Variants in TG observed in about 807,000 individuals in gnomAD.
TG encodes thyroglobulin.
Under a neutral mutation model 324.7 loss-of-function variants are expected in TG, and 270 were observed. The observed-to-expected ratio is 0.83, with a 90% CI of 0.75 to 0.92. The LOEUF is 0.92. TG is among the 40% of genes least tolerant of loss of function. The pLI is 0.00. For synonymous variants in TG, 1,401 were observed against 1,327.0 expected (o/e 1.06, Z -1.21); for missense variants, 3,591 against 3,456.4 (o/e 1.04, Z -0.98).
chr8:133,093,918 A>G (rs952947059), intron 41 of TG, among the ~76,000 whole-genome samples: 4 of 152,160 alleles, frequency 2.6e-5, no homozygotes, highest in Admixed American at 6.5e-5. Context: ...GAACCTCTTG[A>G]GTGAGTTTGT....
At chr8:133,126,349 T>A (rs1564217044) in intron 45 of TG, among the ~76,000 whole-genome samples, 1 of 152,238 alleles carries the variant, frequency 6.6e-6, no homozygotes, top group Non-Finnish European at 1.5e-5. Context: ...CTTAAACAGT[T>A]GGGCCTTGGT....
intron 35 of TG, among the ~76,000 whole-genome samples, chr8:132,999,499 G>A (rs1264325093): frequency 1.3e-5 from 2 of 152,166 alleles, no homozygotes; most frequent in Admixed American, 6.5e-5. Context: ...GCTGCCTGTA[G>A]GATTTTTGGT....
At position 133,034,537 on chromosome 8, in the gene TG, C is replaced by T. The variant is rs527744463; in HGVS notation, c.7239+4514C>T. The stretch of plus-strand genomic sequence containing the variant: ...CTTTGGATTTTCTATGAAGTTTCCT[C>T]GTTATTCTGCAAATAATGGCGGGTT... On this transcript the variant is annotated intron_variant, in intron 41 of 47. Transcript: ENST00000220616. 4.6e-5 allele frequency among the ~76,000 whole-genome samples: 7 copies of T among 152,268 alleles called. 1 individual carries two copies. In the South Asian group the frequency reaches 6.2e-4, roughly 14 times the overall value.
At chr8:133,073,225 T>C (rs1844345838) in intron 41 of TG, 1 of 152,268 alleles carries the variant, frequency 6.6e-6, no homozygotes, top group African/African-American at 2.4e-5. Context: ...TATGTTGCCA[T>C]CTTGCTGCTC....
chr8:133,060,401 A>G (rs1163386072), intron 41 of TG: 2 of 1,512,330 alleles, frequency 1.3e-6, no homozygotes, highest in Non-Finnish European at 1.8e-6. Flanking sequence ...GAATGACAGA[A>G]AAACCACAGA....
intron 15 of TG, 39 bp downstream of exon 15, chr8:132,900,378 T>C: frequency 6.4e-7 from 1 of 1,568,078 alleles, no homozygotes; most frequent in Non-Finnish European, 8.7e-7. Context: ...TCTCACCTCT[T>C]CTGTGGGGCA....
intron 25 of TG, 22 bp downstream of exon 25, chr8:132,935,886 G>A: frequency 6.3e-7 from 1 of 1,597,446 alleles, no homozygotes; most frequent in Non-Finnish European, 8.6e-7. Flanking sequence ...AGGCTGGTTG[G>A]CTTAGGCCCG....
Position 132,913,258 on chromosome 8 carries a change from G to A in TG, c.4371G>A (p.Leu1457=). ...VLTSEASQDG[L]GCVKCPEGSY... ...CAAGTGAGGCCAGTCAGGACGGACT[G>A]GGATGCGGTAGGTCCACTCTCTCCC... The change falls in exon 20 of 48, where the codon CTG becomes CTA. Residue 1457 remains leucine, a synonymous_variant. Transcript: ENST00000220616. The A allele has an allele frequency of 6.2e-7, 1 of 1,614,028 alleles. No individual in the cohort carries two copies. Among genetic ancestry groups the A allele is most frequent in the Non-Finnish European group, 8.5e-7 (1 of 1,180,010 alleles).
intron 41 of TG, among the ~76,000 whole-genome samples, chr8:133,036,186 A>T (rs1384606048): frequency 6.6e-6 from 1 of 152,130 alleles, no homozygotes; most frequent in Non-Finnish European, 1.5e-5. Flanking sequence ...CTCTGCTTGG[A>T]GGCCTTTCCT....
intron 41 of TG, chr8:133,038,472 A>C: frequency 1.4e-6 from 2 of 1,391,340 alleles, no homozygotes; most frequent in Non-Finnish European, 2.0e-6. Flanking sequence ...ATCCCAGGCA[A>C]TAGTTGGAAC....
intron 41 of TG, among the ~76,000 whole-genome samples, chr8:133,087,178 A>G (rs1409566904): frequency 3.3e-5 from 5 of 151,576 alleles, no homozygotes; most frequent in Admixed American, 6.6e-5. Context: ...TTTGATTGGG[A>G]GGATTATGTG....
intron 41 of TG, among the ~76,000 whole-genome samples, chr8:133,055,098 C>A (rs1841130466): frequency 6.6e-6 from 1 of 152,084 alleles, no homozygotes; most frequent in Non-Finnish European, 1.5e-5. Context: ...CTTCACGGAG[C>A]CACACGGCTC....
intron 47 of TG, 42 bp downstream of exon 47, chr8:133,133,702 T>C: frequency 1.3e-6 from 2 of 1,593,558 alleles, no homozygotes; most frequent in Non-Finnish European, 1.7e-6. Flanking sequence ...TGGGTGTTGA[T>C]CTCAGCATCT....
chr8:133,133,760 G>A, intron 47 of TG, 100 bp downstream of exon 47: 1 of 1,352,370 alleles, frequency 7.4e-7, no homozygotes, highest in Non-Finnish European at 1.0e-6. Context: ...TTGGAGCCAA[G>A]GGGTCACCAG....
chr8:132,898,851 C>T lies in TG; in HGVS notation c.3271C>T (p.Gln1091Ter). Reference sequence around the variant, plus strand: ...CAGTGGGCTGCTTTCCAGTTGGAAACAGGCTAGATCCCAAGAAAACCCATC... The same window carrying T: ...CAGTGGGCTGCTTTCCAGTTGGAAATAGGCTAGATCCCAAGAAAACCCATC... ...RTSGLLSSWKQARSQENPSPK... is the reference protein window; with the variant it reads ...RTSGLLSSWK Residue 1091 changes from glutamine (Q) to a stop codon, truncating the protein, a stop_gained, in exon 14 of 48, where the codon CAG becomes TAG. Transcript: ENST00000220616. LOFTEE classifies it high-confidence loss of function. The T allele has an allele frequency of 6.2e-7, 1 of 1,614,206 alleles. No individual in the cohort carries two copies. The highest frequency in any genetic ancestry group is 8.5e-7 in the Non-Finnish European group (1 of 1,180,052).
At chr8:132,899,104 G>T in intron 14 of TG, 194 bp downstream of exon 14, 1 of 636,412 alleles carries the variant, frequency 1.6e-6, no homozygotes, top group Non-Finnish European at 2.8e-6. Flanking sequence ...GTCCCAGTTT[G>T]TTTTGTTTAA....
At chr8:132,874,994 C>T (rs544542450) in intron 5 of TG, among the ~76,000 whole-genome samples, 37 of 152,252 alleles carry the variant, frequency 2.4e-4, no homozygotes, top group African/African-American at 8.2e-4. Context: ...TTGGGACCTG[C>T]CTTCTGCCTT....
intron 27 of TG, among the ~76,000 whole-genome samples, chr8:132,960,434 A>G (rs1827569307): frequency 6.6e-6 from 1 of 152,200 alleles, no homozygotes; most frequent in Non-Finnish European, 1.5e-5. Flanking sequence ...ACTGACCATC[A>G]GGAAATGGTG....
intron 41 of TG, chr8:133,047,601 G>T (rs1486581099): frequency 3.6e-6 from 2 of 560,476 alleles, no homozygotes; most frequent in Non-Finnish European, 6.4e-6. Flanking sequence ...CAGGCCTGAT[G>T]TTGGCCAGGC....
Sources: gnomAD v4.1 joint callset for allele counts (sites outside exome capture counted in the v4.1 genomes callset) on GRCh38, gnomAD v4.1.1 for gene constraint, MANE v1.5 for transcripts, NCBI Gene and HGNC (gene_info 2026-07-23, HGNC 2026-07-21) for gene names.